Variants in TNN observed in about 807,000 individuals in gnomAD.
TNN encodes tenascin N, also known as tenascin-N.
In TNN, 122 loss-of-function variants were observed where a neutral mutation model predicts 134.4. The observed-to-expected ratio is 0.91, with a 90% CI of 0.78 to 1.06. TNN has a LOEUF of 1.06. TNN is among the 50% of genes least tolerant of loss of function. The pLI, the probability that TNN is intolerant of heterozygous loss-of-function variation, is 0.00. For synonymous variants in TNN, 710 were observed against 670.3 expected, an observed-to-expected ratio of 1.06 and a Z score of -0.91; for missense variants, 1,739 against 1,699.4, an observed-to-expected ratio of 1.02 and a Z score of -0.41.
In TNN at chr1:175,067,860, G is replaced by A. The variant is rs1673831349; in HGVS notation, c.-111G>A. ...GACGAGAACCAGGGACGACCAGCAA[G>A]TACCAAGGTCTGCGGCAGGAGGAGA... On this transcript the variant is annotated 5_prime_UTR_variant, in exon 1 of 19. Transcript: ENST00000239462. 2.0e-6 allele frequency: 1 copy of A among 501,594 alleles called. No homozygotes were observed. Among genetic ancestry groups the A allele is most frequent in the Non-Finnish European group, 4.0e-6 (1 of 251,812 alleles). 31.1% of individuals were successfully genotyped at this position (501,594 alleles called of 1,614,324 possible).
intron 15 of TNN, among the ~76,000 whole-genome samples, chr1:175,133,452 G>T (rs1419376408): frequency 6.6e-6 from 1 of 152,190 alleles, no homozygotes; most frequent in Non-Finnish European, 1.5e-5. Context: ...TCTAGGGATG[G>T]TTTTGGCCTC....
intron 1 of TNN, among the ~76,000 whole-genome samples, chr1:175,072,504 G>T (rs1411389079): frequency 6.6e-6 from 1 of 152,150 alleles, no homozygotes. Context: ...CTTCTGCCCT[G>T]TCTGCCCCCT....
chr1:175,085,534 T>A, intron 6 of TNN, 40 bp downstream of exon 6: 1 of 1,356,090 alleles, frequency 7.4e-7, no homozygotes, highest in Non-Finnish European at 1.0e-6. Flanking sequence ...TTTAATCATG[T>A]TTGCATTCTC....
intron 1 of TNN, among the ~76,000 whole-genome samples, chr1:175,076,472 G>A (rs1354152767): frequency 6.6e-6 from 1 of 152,216 alleles, no homozygotes; most frequent in Non-Finnish European, 1.5e-5. Context: ...CCAGGTCAAC[G>A]CTCAAGAGAC....
At chr1:175,092,721 A>G (rs1325859869) in intron 6 of TNN, among the ~76,000 whole-genome samples, 3 of 151,410 alleles carry the variant, frequency 2.0e-5, no homozygotes, top group Non-Finnish European at 4.4e-5. Flanking sequence ...TCCTCTCCCC[A>G]CTCCCTACTG....
intron 14 of TNN, 51 bp downstream of exon 14, chr1:175,128,215 G>C: frequency 6.6e-7 from 1 of 1,504,044 alleles, no homozygotes; most frequent in Admixed American, 2.1e-5. Flanking sequence ...AACCAGCACC[G>C]GAAAGCCTAG....
intron 16 of TNN, 30 bp downstream of exon 16, chr1:175,135,971 C>A: frequency 6.6e-7 from 1 of 1,518,992 alleles, no homozygotes; most frequent in Non-Finnish European, 9.1e-7. Flanking sequence ...GAGGCTGGGG[C>A]TGTGGGGGGT....
At chr1:175,120,853 T>A (rs1675356600) in intron 11 of TNN, among the ~76,000 whole-genome samples, 1 of 152,174 alleles carries the variant, frequency 6.6e-6, no homozygotes, top group Non-Finnish European at 1.5e-5. Flanking sequence ...TAGGCTGGAG[T>A]ACAGTGGTAT....
At position 175,080,439 on chromosome 1, in the gene TNN, C is replaced by T. The variant is rs1674174254; in HGVS notation, c.1048+13C>T. The T allele has an allele frequency of 1.4e-5, 22 of 1,612,954 alleles. No homozygotes were observed. The highest frequency in any genetic ancestry group is 1.9e-5 in the Non-Finnish European group (22 of 1,179,200). ...CTTGCCACCACAGGTGAGGAAGCCA[C>T]CTGATGCCCCAGGGTTCCCAGGAGA... On this transcript the variant is annotated intron_variant, in intron 4 of 18. Transcript: ENST00000239462.
intron 1 of TNN, among the ~76,000 whole-genome samples, chr1:175,073,413 TC>T (rs372030285): frequency 1.3e-4 from 20 of 152,168 alleles, no homozygotes; most frequent in Non-Finnish European, 2.6e-4. Flanking sequence ...GGCTTCCCAC[TC>T]CCCCCATCTT....
At chr1:175,079,218 AG>A in intron 2 of TNN, 114 bp from the exon 3 acceptor site, 1 of 1,199,484 alleles carries the variant, frequency 8.3e-7, no homozygotes, top group Non-Finnish European at 1.1e-6. Context: ...AGAAATCACC[AG>A]ACCCTTAAGA....
chr1:175,071,256 T>C (rs967195017), intron 1 of TNN, among the ~76,000 whole-genome samples: 10 of 152,144 alleles, frequency 6.6e-5, no homozygotes. Flanking sequence ...TTGGCGTAAG[T>C]AGTATTTTTT....
At chr1:175,137,639 A>G (rs1374935441) in intron 17 of TNN, among the ~76,000 whole-genome samples, 1 of 152,234 alleles carries the variant, frequency 6.6e-6, no homozygotes, top group African/African-American at 2.4e-5. Flanking sequence ...TGCTGGAATG[A>G]TACCAGTAAA....
chr1:175,133,492 C>A (rs566271776), intron 15 of TNN, among the ~76,000 whole-genome samples: 14 of 152,334 alleles, frequency 9.2e-5, no homozygotes, highest in African/African-American at 3.4e-4. Context: ...CAGTACTTGA[C>A]ACTATTGACC....
chr1:175,125,860 T>C lies in TNN; in HGVS notation c.2915-1095T>C, dbSNP rs200702973. ...TTTTTTCTTTTTCTTTCTTTCTTTT[T>C]TCTTTTTCTTTCTTTCTTTTCTTTT... On this transcript the variant is annotated intron_variant, in intron 12 of 18. Coordinates refer to ENST00000239462, the MANE Select transcript of TNN (RefSeq NM_022093.2). Among the ~76,000 whole-genome samples, 126 of 15,068 alleles carry C rather than the reference T, an allele frequency of 8.4e-3. 2 individuals are homozygous for C. The highest frequency in any genetic ancestry group is 0.013 in the East Asian group (13 of 982). The allele number at this position is 15,068 out of a possible 152,430, so 9.9% of individuals were successfully genotyped here.
chr1:175,137,397 T>TGTGTGTGTGTGAGA (rs10638677), intron 17 of TNN, among the ~76,000 whole-genome samples: 8 of 149,502 alleles, frequency 5.4e-5, no homozygotes, highest in African/African-American at 1.5e-4. Flanking sequence ...TGTGTGATTA[T>TGTGTGTGTGTGAGA]TTGAGCTTTT....
Position 175,094,133 on chromosome 1 carries a change from C to T in TNN, c.1468C>T (p.His490Tyr). The T allele has an allele frequency of 6.2e-7, 1 of 1,614,140 alleles. No individual in the cohort carries two copies. Among genetic ancestry groups the T allele is most frequent in the Non-Finnish European group, 8.5e-7 (1 of 1,180,024 alleles). Reference sequence around the variant, plus strand: ...TGGGGACACCAAGGAAATGGCAGTGCACAAGGATGAGAGCAGCACTGTCCT... The same window carrying T: ...TGGGGACACCAAGGAAATGGCAGTGTACAAGGATGAGAGCAGCACTGTCCT... ...ADGDTKEMAV[H>Y]KDESSTVLTG... Residue 490 changes from histidine to tyrosine, a missense_variant, in exon 7 of 19, where the codon CAC (histidine) becomes TAC (tyrosine). Physicochemically the swap from His to Tyr is moderately conservative, Grantham distance 83. Transcript: ENST00000239462.
chr1:175,117,153 G>C lies in TNN; in HGVS notation c.2334G>C (p.Trp778Cys). Residue 778 changes from tryptophan (W) to cysteine (C), a missense_variant, in exon 10 of 19, where the codon TGG becomes TGC. Coordinates refer to ENST00000239462, the MANE Select transcript of TNN (RefSeq NM_022093.2). ...RPGVEYTVHV[W>C]AQKGAQESKK... ...GTGTGGAGTACACGGTGCACGTGTG[G>C]GCCCAGAAGGGGGCCCAGGAGAGCA... The C allele has an allele frequency of 6.2e-7, 1 of 1,614,260 alleles. No individual in the cohort carries two copies. The highest frequency in any genetic ancestry group is 1.1e-5 in the South Asian group (1 of 91,084).
intron 9 of TNN, among the ~76,000 whole-genome samples, chr1:175,108,520 T>C (rs114086278): frequency 0.027 from 4,113 of 152,244 alleles, 182 homozygotes; most frequent in African/African-American, 0.092. Context: ...TGGTATTCGT[T>C]GGGGAGGCTC....
Sources: gnomAD v4.1 joint callset for allele counts (sites outside exome capture counted in the v4.1 genomes callset) on GRCh38, gnomAD v4.1.1 for gene constraint, MANE v1.5 for transcripts, NCBI Gene and HGNC (gene_info 2026-07-23, HGNC 2026-07-21) for gene names.